Variants in USP1 observed in about 807,000 individuals in gnomAD.
The protein encoded by USP1 is ubiquitin specific peptidase 1.
A neutral mutation model predicts 72.2 loss-of-function variants in USP1; 18 were observed. That is an observed-to-expected ratio of 0.25 (90% CI 0.17 to 0.37). The LOEUF is 0.37. Among genes scored for constraint, USP1 ranks in the 10% least tolerant of loss-of-function variants. USP1 has a pLI of 1.00. For synonymous variants in USP1, 354 were observed against 303.7 expected, an observed-to-expected ratio of 1.17 and a Z score of -1.72; for missense variants, 759 against 884.9, an observed-to-expected ratio of 0.86 and a Z score of 1.81.
intron 1 of USP1, among the ~76,000 whole-genome samples, chr1:62,438,686 C>G (rs1014235236): frequency 6.6e-6 from 1 of 151,702 alleles, no homozygotes; most frequent in Non-Finnish European, 1.5e-5. Flanking sequence ...AAAATATTAA[C>G]TCCTACACTC....
In USP1 at chr1:62,443,224, T is replaced by G. The variant is rs1267056185; in HGVS notation, c.462T>G (p.Ile154Met). The change falls in exon 5 of 9, where the codon ATT becomes ATG. Residue 154 changes from isoleucine to methionine, a missense_variant. Around this residue, in one of 9 missense-constraint regions of USP1, gnomAD observed 71 missense variants for 71.0 expected, o/e 1.00. Transcript: ENST00000339950. ...TATGCAGTTTACAGTCCTTAATCAT[T>G]TCGGTTGAACAGCTCCAGGCTAGTT... Reference protein sequence around the residue: ...ELICSLQSLIISVEQLQASFL... With the variant: ...ELICSLQSLIMSVEQLQASFL... 6.2e-7 allele frequency: 1 copy of G among 1,614,012 alleles called. No homozygotes were observed. Among genetic ancestry groups the G allele is most frequent in the Non-Finnish European group, 8.5e-7 (1 of 1,179,978 alleles).
intron 7 of USP1, 122 bp downstream of exon 7, chr1:62,447,633 T>C: frequency 9.5e-7 from 1 of 1,053,418 alleles, no homozygotes; most frequent in South Asian, 1.8e-5. Context: ...TAGTGTCTAA[T>C]GTAACCTTTC....
At chr1:62,450,124 C>T in intron 8 of USP1, 122 bp from the exon 9 acceptor site, 1 of 1,201,196 alleles carries the variant, frequency 8.3e-7, no homozygotes, top group Non-Finnish European at 1.1e-6. Flanking sequence ...TTCTGCTTTT[C>T]TGATATATGA....
chr1:62,448,802 G>C, intron 8 of USP1, 136 bp downstream of exon 8: 1 of 884,390 alleles, frequency 1.1e-6, no homozygotes, highest in Non-Finnish European at 1.7e-6. Context: ...GTAAAGTTTT[G>C]TTCTTATTAA....
At chr1:62,438,522 A>T (rs1305929631) in intron 1 of USP1, among the ~76,000 whole-genome samples, 1 of 152,198 alleles carries the variant, frequency 6.6e-6, no homozygotes, top group Non-Finnish European at 1.5e-5. Flanking sequence ...CTTATTAAGG[A>T]TGAAATTTGA....
chr1:62,448,079 C>A (rs1416816125), intron 7 of USP1, among the ~76,000 whole-genome samples: 1 of 152,198 alleles, frequency 6.6e-6, no homozygotes, highest in African/African-American at 2.4e-5. Flanking sequence ...AGCCACCGCG[C>A]CTGGCCTACT....
intron 1 of USP1, among the ~76,000 whole-genome samples, chr1:62,437,691 T>A (rs1397422494): frequency 2.6e-5 from 4 of 152,220 alleles, no homozygotes; most frequent in African/African-American, 9.6e-5. Context: ...GGCAGCCTGG[T>A]CGCTGCTCGT....
At position 62,450,661 on chromosome 1, in the gene USP1, C is replaced by T; in HGVS notation, c.2038C>T (p.Leu680=). ...ACAAAAGAGCAAAGCAGATTATGAG[C>T]TATACAACAAAGCCTCTAATCCTGA... is the stretch of plus-strand genomic sequence containing the variant. ...GGQKSKADYE[L]YNKASNPDKV... Residue 680 remains leucine, a synonymous_variant, in exon 9 of 9, where the codon CTA becomes TTA. Transcript: ENST00000339950. 6.2e-7 allele frequency: 1 copy of T among 1,614,126 alleles called. No individual in the cohort carries two copies. The highest frequency in any genetic ancestry group is 8.5e-7 in the Non-Finnish European group (1 of 1,180,016).
rs74076654 is a variant in USP1, at chr1:62,445,600, T to G, written c.1249+171T>G. 0.039 allele frequency among the ~76,000 whole-genome samples: 5,677 copies of G among 147,162 alleles called. 251 individuals are homozygous for G. The highest frequency in any genetic ancestry group is 0.11 in the African/African-American group (4,492 of 39,492). On this transcript the variant is annotated intron_variant, in intron 6 of 8. Transcript: ENST00000339950. ...GTTTTAAGTGCTATGCTTAGATTAGTGTGTGTGTATATATTGTATGCATAT... is the reference window on the plus strand; with the variant it reads ...GTTTTAAGTGCTATGCTTAGATTAGGGTGTGTGTATATATTGTATGCATAT...
intron 8 of USP1, among the ~76,000 whole-genome samples, chr1:62,449,728 A>T (rs145361225): frequency 0.012 from 1,810 of 152,174 alleles, 36 homozygotes; most frequent in African/African-American, 0.041. Flanking sequence ...CCTGGGCAAC[A>T]TGACAAAACC....
chr1:62,450,656 A>G lies in USP1; in HGVS notation c.2033A>G (p.Tyr678Cys), dbSNP rs1645209093. 6.2e-7 allele frequency: 1 copy of G among 1,614,068 alleles called. No individual in the cohort carries two copies. Among genetic ancestry groups the G allele is most frequent in the Non-Finnish European group, 8.5e-7 (1 of 1,180,022 alleles). ...GGAGGACAAAAGAGCAAAGCAGATT[A>G]TGAGCTATACAACAAAGCCTCTAAT... is the stretch of plus-strand genomic sequence containing the variant. ...LLGGQKSKAD[Y>C]ELYNKASNPD... is the part of the protein sequence containing the mutation. Residue 678 changes from tyrosine to cysteine, a missense_variant, in exon 9 of 9, where the codon TAT becomes TGT. Around this residue, in one of 9 missense-constraint regions of USP1, gnomAD observed 159 missense variants for 140.9 expected, o/e 1.13. Transcript: ENST00000339950.
chr1:62,450,202 T>TA, intron 8 of USP1, 44 bp from the exon 9 acceptor site: 2 of 1,557,314 alleles, frequency 1.3e-6, no homozygotes, highest in South Asian at 2.5e-5. Flanking sequence ...ATTTTGAATT[T>TA]AAAATAGAAC....
intron 6 of USP1, 89 bp from the exon 7 acceptor site, chr1:62,447,252 A>C: frequency 8.0e-7 from 1 of 1,249,818 alleles, no homozygotes. Flanking sequence ...GTTATTCATG[A>C]TATACTTTAT....
rs1645134595 is a variant in USP1, at chr1:62,441,534, A to G, written c.217A>G (p.Lys73Glu). 1 of 1,613,616 alleles carries G rather than the reference A, an allele frequency of 6.2e-7. No homozygotes were observed. The highest frequency in any genetic ancestry group is 8.5e-7 in the Non-Finnish European group (1 of 1,179,834). ...ACAGTCTTCACCTATAAACTGTGAG[A>G]AGAGAGAAAACTTGTTACCATTTGT... ...AAQSSPINCE[K>E]RENLLPFVGL... Residue 73 changes from lysine to glutamate, a missense_variant, in exon 3 of 9, where the codon AAG becomes GAG. Transcript: ENST00000339950.
At chr1:62,446,586 A>T (rs1645175906) in intron 6 of USP1, among the ~76,000 whole-genome samples, 1 of 152,234 alleles carries the variant, frequency 6.6e-6, no homozygotes, top group Admixed American at 6.5e-5. Flanking sequence ...TATGCGGTCC[A>T]TTGTTAAATA....
chr1:62,444,841 G>A lies in USP1; in HGVS notation c.661G>A (p.Glu221Lys), dbSNP rs1645158813. The part of the protein sequence containing the change: ...IQETCQLLKK[E>K]EVKNVAELPT... Reference sequence around the variant, plus strand: ...AGAAACATGCCAACTCCTAAAAAAAGAAGAAGTAAAAAATGTGGCAGAATT... The same window carrying A: ...AGAAACATGCCAACTCCTAAAAAAAAAAGAAGTAAAAAATGTGGCAGAATT... The change falls in exon 6 of 9, where the codon GAA (glutamate) becomes AAA (lysine). Residue 221 changes from glutamate (E) to lysine (K), a missense_variant. Physicochemically the swap from Glu to Lys is moderately conservative, Grantham distance 56. This residue lies in a region of USP1 where 245 missense variants were observed against 240.7 expected (regional missense o/e 1.02). Transcript: ENST00000339950. The A allele has an allele frequency of 4.3e-6, 7 of 1,611,412 alleles. No individual in the cohort carries two copies. The highest frequency in any genetic ancestry group is 5.9e-6 in the Non-Finnish European group (7 of 1,179,596).
At chr1:62,447,933 C>T (rs1645187118) in intron 7 of USP1, among the ~76,000 whole-genome samples, 1 of 152,038 alleles carries the variant, frequency 6.6e-6, no homozygotes, top group Non-Finnish European at 1.5e-5. Context: ...ACTGCAGGTG[C>T]CCACCACCAC....
intron 7 of USP1, among the ~76,000 whole-genome samples, chr1:62,448,125 G>C (rs538438214): frequency 2.0e-4 from 31 of 152,248 alleles, no homozygotes; most frequent in Non-Finnish European, 1.8e-4. Context: ...AGCCACTGTT[G>C]TGTCTAGAGC....
intron 2 of USP1, among the ~76,000 whole-genome samples, chr1:62,440,923 G>A (rs984196306): frequency 6.6e-6 from 1 of 152,004 alleles, no homozygotes; most frequent in Non-Finnish European, 1.5e-5. Flanking sequence ...CTGGGCTCGA[G>A]CAGTCCTCCC....
Sources: allele counts gnomAD v4.1 joint callset (sites outside exome capture counted in the v4.1 genomes callset), GRCh38; gene constraint gnomAD v4.1.1; regional missense constraint gnomAD v4.1.1; transcripts MANE v1.5; gene names NCBI Gene and HGNC (gene_info 2026-07-23, HGNC 2026-07-21).